ACYP2: variants seen among roughly 807,000 people sequenced by gnomAD.
ACYP2 encodes the protein acylphosphatase 2.
A neutral mutation model predicts 11.2 loss-of-function variants in ACYP2; 12 were observed. That is an observed-to-expected ratio of 1.08 (90% confidence interval 0.69 to 1.74). The LOEUF (loss-of-function observed/expected upper bound fraction) is 1.74. Among genes scored for constraint, ACYP2 ranks in the 40% most tolerant of loss-of-function variants. The pLI is 0.00. For synonymous variants in ACYP2, 43 were observed against 32.2 expected (o/e 1.33, Z -1.13); for missense variants, 134 against 101.9 (o/e 1.31, Z -1.35).
chr2:54,165,479 T>C lies in ACYP2; in HGVS notation c.404+26731T>C, dbSNP rs943059813. Among the ~76,000 whole-genome samples, 9 of 151,628 alleles carry C rather than the reference T, an allele frequency of 5.9e-5. No individual in the cohort carries two copies. In the Admixed American group the frequency reaches 5.9e-4, roughly 10 times the overall value. ...GTCTGTCTGTCTCTCTCTTTCTCTG[T>C]GTGTGTGTCTGTCTCTCTCTGTCTC... On this transcript the variant is annotated intron_variant, in intron 6 of 6. Coordinates refer to ENST00000607452, the MANE Select transcript of ACYP2 (RefSeq NM_001320586.2).
intron 4 of ACYP2, among the ~76,000 whole-genome samples, chr2:54,076,960 A>C (rs916181807): frequency 3.2e-4 from 49 of 152,338 alleles, no homozygotes; most frequent in African/African-American, 1.1e-3. Flanking sequence ...GGGTCTTCTA[A>C]ATAACTGTTA....
At chr2:54,166,141 A>G (rs989183504) in intron 6 of ACYP2, among the ~76,000 whole-genome samples, 4 of 152,316 alleles carry the variant, frequency 2.6e-5, no homozygotes, top group African/African-American at 9.6e-5. Flanking sequence ...TAGTCAGTCA[A>G]GGAAACCAAA....
At chr2:54,177,030 A>G (rs540331885) in intron 6 of ACYP2, among the ~76,000 whole-genome samples, 3 of 152,268 alleles carry the variant, frequency 2.0e-5, no homozygotes, top group African/African-American at 7.2e-5. Flanking sequence ...GTGCTAGGGA[A>G]CCTGACCTAT....
chr2:54,121,002 TG>T (rs1452696015), intron 4 of ACYP2, among the ~76,000 whole-genome samples: 2 of 152,036 alleles, frequency 1.3e-5, no homozygotes, highest in Non-Finnish European at 2.9e-5. Context: ...GCTCAGCAAA[TG>T]GGGGCATGTT....
intron 4 of ACYP2, among the ~76,000 whole-genome samples, chr2:54,120,531 T>C (rs1490856454): frequency 6.6e-6 from 1 of 152,098 alleles, no homozygotes; most frequent in Admixed American, 6.5e-5. Context: ...TTTGACTGAG[T>C]TTTTTTAGAA....
intron 6 of ACYP2, among the ~76,000 whole-genome samples, chr2:54,211,368 G>A: frequency 6.6e-6 from 1 of 152,248 alleles, no homozygotes; most frequent in Middle Eastern, 3.4e-3. Flanking sequence ...TTAAAGTATA[G>A]CATTACAGTG....
In ACYP2 at chr2:54,001,104, T is replaced by C. The variant is rs564443853; in HGVS notation, c.62+27294T>C. The stretch of plus-strand genomic sequence containing the variant: ...GTGTGGTGCCTTGTGCCTATAATTT[T>C]AGCCCTTTGGGAGGCTGAGGCAGGA... On this transcript the variant is annotated intron_variant, in intron 2 of 6. Transcript: ENST00000607452. 3.3e-5 allele frequency among the ~76,000 whole-genome samples: 5 copies of C among 152,286 alleles called. No individual in the cohort carries two copies. In the East Asian group the frequency reaches 9.7e-4, roughly 29 times the overall value.
At chr2:54,268,400 C>T (rs529423681) in intron 6 of ACYP2, among the ~76,000 whole-genome samples, 1 of 151,934 alleles carries the variant, frequency 6.6e-6, no homozygotes, top group African/African-American at 2.4e-5. Context: ...TTTATTTATA[C>T]ACTATTCCAT....
intron 4 of ACYP2, among the ~76,000 whole-genome samples, chr2:54,119,240 A>G (rs1302384893): frequency 6.6e-6 from 1 of 151,604 alleles, no homozygotes; most frequent in Non-Finnish European, 1.5e-5. Context: ...TTTCCTTGGT[A>G]GAGAGGGAGT....
At chr2:54,065,886 T>C (rs1302148474) in intron 4 of ACYP2, 1 of 185,472 alleles carries the variant, frequency 5.4e-6, no homozygotes, top group East Asian at 1.3e-4. Flanking sequence ...AAGAGGAAAT[T>C]GTAAAACTAA....
At chr2:54,206,876 T>C (rs903401692) in intron 6 of ACYP2, among the ~76,000 whole-genome samples, 1 of 152,220 alleles carries the variant, frequency 6.6e-6, no homozygotes, top group African/African-American at 2.4e-5. Flanking sequence ...TTGAAAACTT[T>C]GTAAATTTGA....
At chr2:54,106,435 C>T (rs17039541) in intron 4 of ACYP2, among the ~76,000 whole-genome samples, 6,680 of 152,118 alleles carry the variant, frequency 0.044, 508 homozygotes, top group African/African-American at 0.15. Flanking sequence ...CTGCAAAAAG[C>T]TTCCTATGTC....
intron 6 of ACYP2, chr2:54,255,934 A>T: frequency 6.2e-7 from 1 of 1,614,042 alleles, no homozygotes; most frequent in African/African-American, 1.3e-5. Flanking sequence ...ATCGACCAAG[A>T]TGTGGAAAGT....
intron 6 of ACYP2, among the ~76,000 whole-genome samples, chr2:54,165,072 G>A (rs1368453458): frequency 6.6e-6 from 1 of 152,120 alleles, no homozygotes; most frequent in East Asian, 1.9e-4. Flanking sequence ...AGTATTCAAT[G>A]GTGTATATGT....
chr2:54,098,506 T>C (rs912854888), intron 4 of ACYP2, among the ~76,000 whole-genome samples: 1 of 152,222 alleles, frequency 6.6e-6, no homozygotes, highest in African/African-American at 2.4e-5. Flanking sequence ...TGCTTTCTCA[T>C]AGTGTCCTTT....
intron 2 of ACYP2, among the ~76,000 whole-genome samples, chr2:54,008,098 C>T (rs1673174007): frequency 6.6e-6 from 1 of 152,210 alleles, no homozygotes. Flanking sequence ...CACTCACTCA[C>T]CTGTAGACCA....
At chr2:53,980,436 G>A (rs1420223444) in intron 2 of ACYP2, among the ~76,000 whole-genome samples, 1 of 151,574 alleles carries the variant, frequency 6.6e-6, no homozygotes, top group African/African-American at 2.4e-5. Flanking sequence ...AAAATATTGA[G>A]TCCAGGAGCT....
chr2:54,126,406 A>G (rs927520423), intron 4 of ACYP2, among the ~76,000 whole-genome samples: 13 of 152,326 alleles, frequency 8.5e-5, no homozygotes, highest in African/African-American at 3.1e-4. Flanking sequence ...GAGATTGATC[A>G]AAAATTGTGA....
intron 2 of ACYP2, among the ~76,000 whole-genome samples, chr2:54,008,412 G>T (rs1353575226): frequency 6.6e-6 from 1 of 152,194 alleles, no homozygotes. Context: ...GTTGCCTCAT[G>T]TGCACCTTAT....
Sources: gnomAD v4.1 joint callset for allele counts (sites outside exome capture counted in the v4.1 genomes callset) on GRCh38, gnomAD v4.1.1 for gene constraint, MANE v1.5 for transcripts, NCBI Gene and HGNC (gene_info 2026-07-23, HGNC 2026-07-21) for gene names.